Variants in BCL11B observed in about 807,000 individuals in gnomAD.
BCL11B encodes B-cell lymphoma/leukemia 11B.
A neutral mutation model predicts 49.9 loss-of-function variants in BCL11B; 8 were observed. The observed-to-expected ratio is 0.16, with a 90% confidence interval of 0.09 to 0.29. The LOEUF (loss-of-function observed/expected upper bound fraction) is 0.29, where lower values mean the gene tolerates loss of function less well. Ranked by LOEUF, BCL11B falls within the 10% of genes least tolerant of loss-of-function variation. The pLI, the probability that BCL11B is intolerant of heterozygous loss-of-function variation, is 1.00. For missense variants in BCL11B, 1,006 were observed against 1,351.0 expected (o/e 0.74, Z 4.00); for synonymous variants, 739 against 637.4 (o/e 1.16, Z -2.40).
intron 3 of BCL11B, among the ~76,000 whole-genome samples, chr14:99,202,940 C>A (rs997018572): frequency 6.6e-6 from 1 of 152,216 alleles, no homozygotes; most frequent in South Asian, 2.1e-4. Flanking sequence ...CAGGGCCTCA[C>A]AGCCCAAGTG....
Position 99,231,968 on chromosome 14 carries a change from G to GC in BCL11B, c.428-412dup, listed in dbSNP as rs1888351483. On this transcript the variant is annotated intron_variant, in intron 2 of 3. Coordinates refer to ENST00000357195, the MANE Select transcript of BCL11B (RefSeq NM_138576.4). The surrounding 1 kb of genome is among the most constrained non-coding windows in gnomAD (Gnocchi z 8.1). The stretch of plus-strand genomic sequence containing the variant: ...CTTCGGGCTACCCCTCCCTGGAAGA[G>GC]CTGGGAAGCTCACAGCCTCCCCTGT... Among the ~76,000 whole-genome samples, 1 of 152,100 alleles carries GC rather than the reference G, an allele frequency of 6.6e-6. No individual in the cohort carries two copies. The highest frequency in any genetic ancestry group is 2.4e-5 in the African/African-American group (1 of 41,428).
At chr14:99,216,098 T>C (rs1480957548) in intron 3 of BCL11B, among the ~76,000 whole-genome samples, 2 of 152,214 alleles carry the variant, frequency 1.3e-5, no homozygotes, top group African/African-American at 4.8e-5. Context: ...TTCAGCACCT[T>C]TCACAGGCCA....
intron 3 of BCL11B, among the ~76,000 whole-genome samples, chr14:99,225,874 C>T (rs759164284): frequency 6.6e-6 from 1 of 152,360 alleles, no homozygotes; most frequent in Admixed American, 6.5e-5. Flanking sequence ...GACAGTCATG[C>T]TGGTAGGTGC....
At chr14:99,266,366 C>G (rs1458460415) in intron 1 of BCL11B, among the ~76,000 whole-genome samples, 1 of 152,124 alleles carries the variant, frequency 6.6e-6, no homozygotes, top group Non-Finnish European at 1.5e-5. Flanking sequence ...CCTCCCCAGC[C>G]CGATCACCAG....
At chr14:99,199,901 G>A (rs185287441) in intron 3 of BCL11B, among the ~76,000 whole-genome samples, 18 of 151,718 alleles carry the variant, frequency 1.2e-4, no homozygotes, top group East Asian at 1.9e-4. Context: ...GTATTGCCTC[G>A]CCACAGGATT....
rs1375472312 is a variant in BCL11B at position 99,205,093 on chromosome 14, A to C, written c.640+26252T>G. Among the ~76,000 whole-genome samples, 1 of 152,120 alleles carries C rather than the reference A, an allele frequency of 6.6e-6. No individual in the cohort carries two copies. The highest frequency in any genetic ancestry group is 1.9e-4 in the East Asian group (1 of 5,174). On this transcript the variant is annotated intron_variant, in intron 3 of 3. Coordinates refer to ENST00000357195, the MANE Select transcript of BCL11B (RefSeq NM_138576.4). This position sits in a 1 kb window ranked among gnomAD's most constrained non-coding sequence, Gnocchi z 5.0. Reference sequence around the variant, plus strand: ...TGCCCCTCCAGTTACATTACTTTGAAAGGGAGCATAATATGATCCTTCCTT... The same window carrying C: ...TGCCCCTCCAGTTACATTACTTTGACAGGGAGCATAATATGATCCTTCCTT...
At chr14:99,187,417 T>C (rs1814463571) in intron 3 of BCL11B, among the ~76,000 whole-genome samples, 1 of 152,168 alleles carries the variant, frequency 6.6e-6, no homozygotes, top group Admixed American at 6.5e-5. Context: ...TCAGAGTCCC[T>C]TGAAATCTGC....
At chr14:99,264,337 C>G (rs1259044104) in intron 1 of BCL11B, 1 of 151,338 alleles carries the variant, frequency 6.6e-6, no homozygotes, top group Non-Finnish European at 1.5e-5. Flanking sequence ...TTCTGAGGCA[C>G]ATGTTAATCA....
At chr14:99,215,947 G>C (rs1887821707) in intron 3 of BCL11B, among the ~76,000 whole-genome samples, 1 of 152,200 alleles carries the variant, frequency 6.6e-6, no homozygotes, top group Admixed American at 6.5e-5. Context: ...CCCAGGAACA[G>C]AGGGCAGTGC....
At chr14:99,239,825 C>A (rs1342357762) in intron 2 of BCL11B, among the ~76,000 whole-genome samples, 3 of 152,118 alleles carry the variant, frequency 2.0e-5, no homozygotes, top group African/African-American at 4.8e-5. Context: ...GCTCAACGGC[C>A]ATGTACAGAC....
chr14:99,268,453 T>C lies in BCL11B; in HGVS notation c.58+2708A>G, dbSNP rs774918184. ...AAGATGTACCATGTTTTAAGGGGTA[T>C]CTTTGGAATTTAAAATCTAAAATGT... is the stretch of plus-strand genomic sequence containing the variant. On this transcript the variant is annotated intron_variant, in intron 1 of 3. Coordinates refer to ENST00000357195, the MANE Select transcript of BCL11B (RefSeq NM_138576.4). 3.3e-5 allele frequency among the ~76,000 whole-genome samples: 5 copies of C among 152,152 alleles called. No homozygotes were observed. The South Asian group carries it at 1.0e-3, about 32-fold the overall frequency.
intron 2 of BCL11B, among the ~76,000 whole-genome samples, chr14:99,234,981 C>A (rs1320356075): frequency 1.3e-5 from 2 of 151,848 alleles, no homozygotes; most frequent in African/African-American, 4.8e-5. Context: ...AAGCATTCCA[C>A]AGGGGTCTGT....
At chr14:99,255,847 T>C (rs926496344) in intron 2 of BCL11B, among the ~76,000 whole-genome samples, 2 of 152,218 alleles carry the variant, frequency 1.3e-5, no homozygotes, top group African/African-American at 4.8e-5. Context: ...TACATGCCGG[T>C]GGCCTGGACA....
chr14:99,257,461 C>T lies in BCL11B; in HGVS notation c.427+10G>A. ...TTCCACAGCAACCAGGCAAGCGCAG[C>T]ATCCCATACCTGCAATGTTCTCCTG... On this transcript the variant is annotated intron_variant, in intron 2 of 3. Transcript: ENST00000357195. The surrounding 1 kb of genome is among the most constrained non-coding windows in gnomAD (Gnocchi z 6.2). The T allele has an allele frequency of 6.3e-7, 1 of 1,576,822 alleles. No homozygotes were observed. Among genetic ancestry groups the T allele is most frequent in the Non-Finnish European group, 8.7e-7 (1 of 1,156,024 alleles).
rs1886381236 is a variant in BCL11B, at chr14:99,174,058, G to A, written c.*93C>T. 1 of 1,318,262 alleles carries A rather than the reference G, an allele frequency of 7.6e-7. No homozygotes were observed. Among genetic ancestry groups the A allele is most frequent in the African/African-American group, 1.5e-5 (1 of 68,340 alleles). The allele number at this position is 1,318,262 out of a possible 1,614,324, so 81.7% of individuals were successfully genotyped here. A position where few individuals can be genotyped will look rare whatever the true frequency, so the allele number is the denominator to read the frequency against. ...TGGGCCCCGGGGACACGCGGGGTGC[G>A]GGGTGGCGGTGACACGGAGGCAAGT... On this transcript the variant is annotated 3_prime_UTR_variant, in exon 4 of 4. Coordinates refer to ENST00000357195, the MANE Select transcript of BCL11B (RefSeq NM_138576.4).
Position 99,173,269 on chromosome 14 carries a change from T to C in BCL11B, c.*882A>G. ...ACCCCAGGGCACACCAACAGGATAG[T>C]ATCTGCTGGTCATGCACAACCTCAG... On this transcript the variant is annotated 3_prime_UTR_variant, in exon 4 of 4. Coordinates refer to ENST00000357195, the MANE Select transcript of BCL11B (RefSeq NM_138576.4). 4.4e-6 allele frequency: 1 copy of C among 224,780 alleles called. No individual in the cohort carries two copies. Among genetic ancestry groups the C allele is most frequent in the Non-Finnish European group, 8.9e-6 (1 of 112,780 alleles). The allele number at this position is 224,780 out of a possible 1,614,324, so 13.9% of individuals were successfully genotyped here. A position where few individuals can be genotyped will look rare whatever the true frequency, so the allele number is the denominator to read the frequency against.
intron 2 of BCL11B, among the ~76,000 whole-genome samples, chr14:99,256,583 A>G (rs1889169885): frequency 6.6e-6 from 1 of 152,112 alleles, no homozygotes; most frequent in Non-Finnish European, 1.5e-5. Context: ...AGAAGTATAA[A>G]CCAGAAACAA....
intron 1 of BCL11B, among the ~76,000 whole-genome samples, chr14:99,268,332 CTT>C (rs1212920580): frequency 2.0e-5 from 3 of 151,982 alleles, no homozygotes; most frequent in African/African-American, 7.2e-5. Flanking sequence ...TGTGTGCCCT[CTT>C]GTTTCCCAGG....
rs1419078700 is a variant in BCL11B at position 99,231,712 on chromosome 14, G to A, written c.428-155C>T. Among the ~76,000 whole-genome samples the A allele has an allele frequency of 6.6e-6, 1 of 152,074 alleles. No individual in the cohort carries two copies. Among genetic ancestry groups the A allele is most frequent in the African/African-American group, 2.4e-5 (1 of 41,532 alleles). On this transcript the variant is annotated intron_variant, in intron 2 of 3. Transcript: ENST00000357195. This position sits in a 1 kb window ranked among gnomAD's most constrained non-coding sequence, Gnocchi z 8.1. ...GCCAGGCCCTGCAGGGAAGGCAATC[G>A]GGACACAGGCGAGGGAATGGGCTCG...
Sources: allele counts gnomAD v4.1 joint callset (sites outside exome capture counted in the v4.1 genomes callset), GRCh38; gene constraint gnomAD v4.1.1; non-coding constraint Gnocchi (gnomAD v3.1); transcripts MANE v1.5; gene names NCBI Gene and HGNC (gene_info 2026-07-23, HGNC 2026-07-21).